Variants in BBS9 observed in about 807,000 individuals in gnomAD.
BBS9 encodes the protein protein PTHB1.
In BBS9, 89 loss-of-function variants were observed where a neutral mutation model predicts 117.7. The ratio of observed to expected loss-of-function variants is 0.76; its 90% CI spans 0.64 to 0.90. The LOEUF is 0.90. Among genes scored for constraint, BBS9 ranks in the 40% least tolerant of loss-of-function variants. BBS9 has a pLI of 0.00. For synonymous variants in BBS9, 379 were observed against 370.9 expected, an observed-to-expected ratio of 1.02 and a Z score of -0.25; for missense variants, 982 against 1,042.2, an observed-to-expected ratio of 0.94 and a Z score of 0.80.
intron 4 of BBS9, among the ~76,000 whole-genome samples, chr7:33,156,902 G>A (rs1466055371): frequency 1.3e-5 from 2 of 151,950 alleles, no homozygotes; most frequent in African/African-American, 4.8e-5. Flanking sequence ...GTATGCCAGA[G>A]TAAATGGAGA....
chr7:33,492,969 C>G (rs1844218787), intron 19 of BBS9, among the ~76,000 whole-genome samples: 1 of 151,580 alleles, frequency 6.6e-6, no homozygotes, highest in African/African-American at 2.4e-5. Flanking sequence ...GTTGCTTAAC[C>G]CCTCTGCTCT....
At chr7:33,508,899 A>G (rs1021999220) in intron 20 of BBS9, among the ~76,000 whole-genome samples, 1 of 152,128 alleles carries the variant, frequency 6.6e-6, no homozygotes, top group African/African-American at 2.4e-5. Flanking sequence ...AAAAAGTCTT[A>G]TTTATCTGGG....
intron 9 of BBS9, among the ~76,000 whole-genome samples, chr7:33,333,792 A>G (rs1452086583): frequency 6.6e-6 from 1 of 152,028 alleles, no homozygotes; most frequent in Non-Finnish European, 1.5e-5. Flanking sequence ...TTGTATTTTT[A>G]GTGGAGATGG....
Position 33,234,034 on chromosome 7 carries a change from A to T in BBS9, c.443-23202A>T, listed in dbSNP as rs1792992860. ...GATGCAAACCATCTTTTTGTCCCAC[A>T]TATCCACCCTGTAGACACTAATCTC... On this transcript the variant is annotated intron_variant, in intron 5 of 22. Coordinates refer to ENST00000242067, the MANE Select transcript of BBS9 (RefSeq NM_198428.3). 3.9e-5 allele frequency among the ~76,000 whole-genome samples: 6 copies of T among 152,226 alleles called. No homozygotes were observed. The South Asian group carries it at 1.2e-3, about 32-fold the overall frequency.
intron 20 of BBS9, among the ~76,000 whole-genome samples, chr7:33,530,068 A>AAG (rs1850334689): frequency 6.6e-6 from 1 of 152,234 alleles, no homozygotes; most frequent in Admixed American, 6.5e-5. Context: ...TTCCATAGGT[A>AAG]AGTATGCTAC....
intron 21 of BBS9, among the ~76,000 whole-genome samples, chr7:33,583,126 C>G (rs1021313896): frequency 2.0e-5 from 3 of 152,154 alleles, no homozygotes; most frequent in Non-Finnish European, 4.4e-5. Context: ...AAGAAATCTC[C>G]TTTTTGACTA....
chr7:33,616,983 A>G (rs975909392), intron 21 of BBS9, among the ~76,000 whole-genome samples: 2 of 152,082 alleles, frequency 1.3e-5, no homozygotes, highest in African/African-American at 4.8e-5. Context: ...TTTCTGGGTT[A>G]TATCACTTGA....
At chr7:33,556,455 C>A (rs1389138673) in intron 21 of BBS9, among the ~76,000 whole-genome samples, 1 of 152,142 alleles carries the variant, frequency 6.6e-6, no homozygotes, top group Non-Finnish European at 1.5e-5. Context: ...AATTTGATAG[C>A]CTTCTTTATA....
At chr7:33,257,938 A>G (rs1029938653) in intron 6 of BBS9, among the ~76,000 whole-genome samples, 5 of 152,364 alleles carry the variant, frequency 3.3e-5, no homozygotes, top group Admixed American at 2.0e-4. Flanking sequence ...AGAACAATTC[A>G]TAGTATAAGT....
At chr7:33,422,231 T>C (rs1832962309) in intron 19 of BBS9, among the ~76,000 whole-genome samples, 2 of 152,174 alleles carry the variant, frequency 1.3e-5, no homozygotes, top group African/African-American at 2.4e-5. Flanking sequence ...TCCTGTCTTT[T>C]AAAAAATGTG....
At chr7:33,399,690 C>A (rs965998810) in intron 19 of BBS9, among the ~76,000 whole-genome samples, 3 of 152,140 alleles carry the variant, frequency 2.0e-5, no homozygotes, top group Non-Finnish European at 4.4e-5. Flanking sequence ...TAGGGATCAT[C>A]TAGTGCCAGC....
At chr7:33,599,324 T>C (rs1399168595) in intron 21 of BBS9, among the ~76,000 whole-genome samples, 1 of 152,116 alleles carries the variant, frequency 6.6e-6, no homozygotes, top group Non-Finnish European at 1.5e-5. Context: ...GATATATCAG[T>C]TTGTTTGAAA....
Position 33,274,994 on chromosome 7 carries a change from C to CAAAAAAAA in BBS9, c.1016+1053_1016+1060dup, listed in dbSNP as rs763041758. Reference sequence around the variant, plus strand: ...TGGGTGACAGAGTGAGACTGTGTCTCAAAAAAAAAAAAAAAAAAAAAAGCC... The same window carrying CAAAAAAAA: ...TGGGTGACAGAGTGAGACTGTGTCTCAAAAAAAAAAAAAAAAAAAAAAAAAAAAAAGCC... On this transcript the variant is annotated intron_variant, in intron 9 of 22. Transcript: ENST00000242067. 3.4e-5 allele frequency among the ~76,000 whole-genome samples: 2 copies of CAAAAAAAA among 58,720 alleles called. 1 individual carries two copies. The highest frequency in any genetic ancestry group is 1.3e-4 in the African/African-American group (2 of 15,550). The allele number at this position is 58,720 out of a possible 152,430, so 38.5% of individuals were successfully genotyped here. A position where few individuals can be genotyped will look rare whatever the true frequency, so the allele number is the denominator to read the frequency against.
chr7:33,172,467 G>A lies in BBS9; in HGVS notation c.329-5011G>A, dbSNP rs530495135. ...CCTATGCAGACCCCCAAATCCAGAG[G>A]CTCTAAACCAAAAACAGCTCACAGT... On this transcript the variant is annotated intron_variant, in intron 4 of 22. Transcript: ENST00000242067. Among the ~76,000 whole-genome samples the A allele has an allele frequency of 7.2e-5, 11 of 152,062 alleles. 1 individual carries two copies. In the South Asian group the frequency reaches 2.1e-3, roughly 29 times the overall value.
At chr7:33,396,936 A>G (rs1435712532) in intron 19 of BBS9, among the ~76,000 whole-genome samples, 13 of 152,176 alleles carry the variant, frequency 8.5e-5, no homozygotes, top group Admixed American at 8.5e-4. Context: ...GTGCTGGGAG[A>G]GCTAGCTAGC....
At position 33,273,854 on chromosome 7, in the gene BBS9, T is replaced by C. The variant is rs1452222175; in HGVS notation, c.914T>C (p.Ile305Thr). 1.2e-6 allele frequency: 2 copies of C among 1,610,570 alleles called. No individual in the cohort carries two copies. Among genetic ancestry groups the C allele is most frequent in the Admixed American group, 3.3e-5 (2 of 59,976 alleles). ...TCTGAAGGAACAATAAATACTTTGA[T>C]TGGAAATCATAATAACATGCTGCAT... Reference protein sequence around the residue: ...SVSEGTINTLIGNHNNMLHIY... With the variant: ...SVSEGTINTLTGNHNNMLHIY... The change falls in exon 9 of 23, where the codon ATT becomes ACT. Residue 305 changes from isoleucine to threonine, a missense_variant. Coordinates refer to ENST00000242067, the MANE Select transcript of BBS9 (RefSeq NM_198428.3).
intron 20 of BBS9, among the ~76,000 whole-genome samples, chr7:33,515,668 G>C (rs1412568552): frequency 6.6e-6 from 1 of 152,194 alleles, no homozygotes. Context: ...ATCTATTTCA[G>C]GGATTTGCCA....
At chr7:33,619,762 G>T (rs1865316121) in intron 21 of BBS9, among the ~76,000 whole-genome samples, 1 of 151,974 alleles carries the variant, frequency 6.6e-6, no homozygotes, top group Non-Finnish European at 1.5e-5. Flanking sequence ...ATGGGTCAAA[G>T]AAGAAATCAA....
At chr7:33,613,814 G>A (rs556503381) in intron 21 of BBS9, among the ~76,000 whole-genome samples, 38 of 152,010 alleles carry the variant, frequency 2.5e-4, no homozygotes, top group Admixed American at 9.8e-4. Flanking sequence ...CCCAGTCCGG[G>A]GTTCATTATA....
Sources: allele counts gnomAD v4.1 joint callset (sites outside exome capture counted in the v4.1 genomes callset), GRCh38; gene constraint gnomAD v4.1.1; transcripts MANE v1.5; gene names NCBI Gene and HGNC (gene_info 2026-07-23, HGNC 2026-07-21).